Variants in BBS9 observed in about 807,000 individuals in gnomAD.
BBS9 encodes the protein protein PTHB1.
BBS9 carries 89 observed loss-of-function variants against 117.7 expected under a neutral mutation model. The observed-to-expected ratio is 0.76, with a 90% CI of 0.64 to 0.90. The LOEUF is 0.90. Ranked by LOEUF, BBS9 falls within the 40% of genes least tolerant of loss-of-function variation. BBS9 has a pLI of 0.00. For synonymous variants in BBS9, 379 were observed against 370.9 expected, an observed-to-expected ratio of 1.02 and a Z score of -0.25; for missense variants, 982 against 1,042.2, an observed-to-expected ratio of 0.94 and a Z score of 0.80.
intron 5 of BBS9, among the ~76,000 whole-genome samples, chr7:33,200,002 A>T (rs1785577233): frequency 6.6e-6 from 1 of 152,024 alleles, no homozygotes; most frequent in Non-Finnish European, 1.5e-5. Context: ...CTCTAATATG[A>T]GTCACTGATG....
chr7:33,207,530 T>C (rs1357706680), intron 5 of BBS9, among the ~76,000 whole-genome samples: 1 of 151,918 alleles, frequency 6.6e-6, no homozygotes, highest in Non-Finnish European at 1.5e-5. Flanking sequence ...CCTTGTGACA[T>C]GTCTTCTTTT....
chr7:33,415,586 C>T (rs564749924), intron 19 of BBS9, among the ~76,000 whole-genome samples: 1 of 152,252 alleles, frequency 6.6e-6, no homozygotes, highest in African/African-American at 2.4e-5. Flanking sequence ...TAATAATTCC[C>T]AGTGTTGACA....
intron 9 of BBS9, among the ~76,000 whole-genome samples, chr7:33,286,282 T>G (rs540788692): frequency 1.6e-4 from 24 of 152,272 alleles, no homozygotes; most frequent in African/African-American, 5.5e-4. Context: ...TGTTTTGGGT[T>G]CCTCATTCTG....
chr7:33,596,259 C>CAA (rs760399043), intron 21 of BBS9, among the ~76,000 whole-genome samples: 1 of 69,540 alleles, frequency 1.4e-5, no homozygotes, highest in Non-Finnish European at 2.8e-5. Flanking sequence ...AGAACAGAAA[C>CAA]ACACACACAC....
At chr7:33,298,275 G>T (rs1805678359) in intron 9 of BBS9, among the ~76,000 whole-genome samples, 1 of 152,050 alleles carries the variant, frequency 6.6e-6, no homozygotes, top group Non-Finnish European at 1.5e-5. Flanking sequence ...TTACTCATTA[G>T]CTCTGAGACC....
At chr7:33,416,691 A>G (rs997957551) in intron 19 of BBS9, among the ~76,000 whole-genome samples, 3 of 152,144 alleles carry the variant, frequency 2.0e-5, no homozygotes, top group East Asian at 1.9e-4. Flanking sequence ...GTGGTCCCCA[A>G]TATTAAGGAG....
chr7:33,439,085 G>C (rs1260141499), intron 19 of BBS9, among the ~76,000 whole-genome samples: 3 of 152,140 alleles, frequency 2.0e-5, no homozygotes, highest in African/African-American at 4.8e-5. Context: ...AAGCTTTATG[G>C]ACCCTTCAGC....
rs1797210088 is a variant in BBS9 at position 33,257,185 on chromosome 7, T to C, written c.443-51T>C. 15 of 1,252,116 alleles carry C rather than the reference T, an allele frequency of 1.2e-5. No individual in the cohort carries two copies. In the East Asian group the frequency reaches 3.2e-4, roughly 26 times the overall value. The allele number at this position is 1,252,116 out of a possible 1,614,324, so 77.6% of individuals were successfully genotyped here. A position where few individuals can be genotyped will look rare whatever the true frequency, so the allele number is the denominator to read the frequency against. ...TTGTAGATAGTGATTAATAAAAATATTATATTTATAAAAAGAATAGATTAT... is the reference window on the plus strand; with the variant it reads ...TTGTAGATAGTGATTAATAAAAATACTATATTTATAAAAAGAATAGATTAT... On this transcript the variant is annotated intron_variant, in intron 5 of 22. Transcript: ENST00000242067.
chr7:33,489,243 C>T (rs1198763058), intron 19 of BBS9, among the ~76,000 whole-genome samples: 2 of 151,366 alleles, frequency 1.3e-5, no homozygotes, highest in African/African-American at 2.4e-5. Flanking sequence ...ATCCACTCTC[C>T]TTGGCCTCCT....
At chr7:33,423,555 A>C (rs187638227) in intron 19 of BBS9, among the ~76,000 whole-genome samples, 1,739 of 142,748 alleles carry the variant, frequency 0.012, 33 homozygotes, top group African/African-American at 0.041. Context: ...TGTAGAAAGC[A>C]AAAAAAAAAA....
chr7:33,493,748 C>G (rs1304231724), intron 19 of BBS9, among the ~76,000 whole-genome samples: 1 of 152,124 alleles, frequency 6.6e-6, no homozygotes, highest in Non-Finnish European at 1.5e-5. Flanking sequence ...TTCCCAAAGT[C>G]AAGACACAGG....
intron 20 of BBS9, among the ~76,000 whole-genome samples, chr7:33,533,043 A>G (rs1395122333): frequency 6.6e-6 from 1 of 152,134 alleles, no homozygotes; most frequent in Non-Finnish European, 1.5e-5. Flanking sequence ...AGATCCCCAC[A>G]AAGATCTTAC....
At chr7:33,629,103 T>C (rs1298629983) in intron 21 of BBS9, among the ~76,000 whole-genome samples, 1 of 152,220 alleles carries the variant, frequency 6.6e-6, no homozygotes, top group Non-Finnish European at 1.5e-5. Flanking sequence ...AAGTCCTTAT[T>C]GAGTGCTCAT....
chr7:33,369,063 A>G (rs1471865566), intron 17 of BBS9, among the ~76,000 whole-genome samples: 1 of 152,164 alleles, frequency 6.6e-6, no homozygotes, highest in Non-Finnish European at 1.5e-5. Context: ...ACTTAACATG[A>G]GATCTATCCA....
chr7:33,232,858 G>A (rs1277033958), intron 5 of BBS9, among the ~76,000 whole-genome samples: 1 of 152,146 alleles, frequency 6.6e-6, no homozygotes, highest in African/African-American at 2.4e-5. Context: ...AGAAGCCATA[G>A]TCTTTGCTAT....
intron 19 of BBS9, among the ~76,000 whole-genome samples, chr7:33,501,161 C>G (rs1242867053): frequency 6.6e-6 from 1 of 152,160 alleles, no homozygotes; most frequent in African/African-American, 2.4e-5. Flanking sequence ...TTTCTCAGTT[C>G]CAGGTGAGCA....
At chr7:33,520,118 C>A (rs781394933) in intron 20 of BBS9, among the ~76,000 whole-genome samples, 1 of 151,600 alleles carries the variant, frequency 6.6e-6, no homozygotes, top group Non-Finnish European at 1.5e-5. Context: ...AAGCGATTCT[C>A]CTGCCTCAGC....
At chr7:33,217,817 C>T (rs542251504) in intron 5 of BBS9, among the ~76,000 whole-genome samples, 113 of 152,116 alleles carry the variant, frequency 7.4e-4, no homozygotes, top group Non-Finnish European at 1.3e-3. Flanking sequence ...CATATGTCAT[C>T]GACCAAGCCA....
chr7:33,314,931 G>A (rs1367514649), intron 9 of BBS9, among the ~76,000 whole-genome samples: 1 of 152,064 alleles, frequency 6.6e-6, no homozygotes, highest in Non-Finnish European at 1.5e-5. Context: ...AAGAGGAGTG[G>A]GTATTTGCTA....
Sources: allele counts gnomAD v4.1 joint callset (sites outside exome capture counted in the v4.1 genomes callset), GRCh38; gene constraint gnomAD v4.1.1; transcripts MANE v1.5; gene names NCBI Gene and HGNC (gene_info 2026-07-23, HGNC 2026-07-21).